The following ZNF704 variants were observed in gnomAD, a reference collection of about 807,000 sequenced individuals.
ZNF704 encodes zinc finger protein 704, also known as glucocorticoid induced gene 1.
In ZNF704, 10 loss-of-function variants were observed where a neutral mutation model predicts 44.7. The observed-to-expected ratio is 0.22, with a 90% CI of 0.14 to 0.38. The LOEUF is 0.38. Among genes scored for constraint, ZNF704 ranks in the 10% least tolerant of loss-of-function variants. The probability of loss-of-function intolerance (pLI) is 1.00; values close to 1 mark genes in which losing one functional copy is unlikely to be tolerated. For synonymous variants in ZNF704, 211 were observed against 207.6 expected, an observed-to-expected ratio of 1.02 and a Z score of -0.14; for missense variants, 390 against 545.5, an observed-to-expected ratio of 0.71 and a Z score of 2.84.
chr8:80,708,001 C>T (rs1047478831), intron 2 of ZNF704, among the ~76,000 whole-genome samples: 2 of 152,210 alleles, frequency 1.3e-5, no homozygotes, highest in African/African-American at 2.4e-5. Context: ...ACACACATAA[C>T]ATTACTGGCT....
rs1817578873 is a variant in ZNF704, at chr8:80,631,217, T to C, written c.*10149A>G. 1 of 152,106 alleles carries C rather than the reference T, an allele frequency of 6.6e-6. No homozygotes were observed. The highest frequency in any genetic ancestry group is 2.4e-5 in the African/African-American group (1 of 41,418). The allele number at this position is 152,106 out of a possible 1,614,324, so 9.4% of individuals were successfully genotyped here. ...TGCTCCTCAACCTTTTTTGGGAAAG[T>C]ATGGGTAGTTTATCATGAAACTCCG... On this transcript the variant is annotated 3_prime_UTR_variant, in exon 9 of 9. Transcript: ENST00000327835.
upstream of ZNF704, among the ~76,000 whole-genome samples, chr8:80,874,939 T>C (rs965173749): frequency 3.3e-5 from 5 of 152,172 alleles, no homozygotes; most frequent in African/African-American, 7.2e-5. The surrounding 1 kb of genome is among the most constrained non-coding windows in gnomAD (Gnocchi z 4.4). Flanking sequence ...TGAGCTGCCT[T>C]GGCTCTGTGC....
At chr8:80,725,240 G>A (rs1189610204) in intron 2 of ZNF704, among the ~76,000 whole-genome samples, 1 of 152,154 alleles carries the variant, frequency 6.6e-6, no homozygotes, top group Admixed American at 6.5e-5. Context: ...GCCAGTCCTT[G>A]AAGGGTTTCC....
At chr8:80,653,676 C>T (rs971721131) in intron 7 of ZNF704, among the ~76,000 whole-genome samples, 10 of 151,882 alleles carry the variant, frequency 6.6e-5, no homozygotes, top group Admixed American at 2.0e-4. Context: ...AACCACTGCT[C>T]AATGAAATAA....
Position 80,874,312 on chromosome 8 carries a change from G to C in ZNF704, c.-22+259C>G, listed in dbSNP as rs1158553718. 6.9e-6 allele frequency among the ~76,000 whole-genome samples: 1 copy of C among 144,842 alleles called. No individual in the cohort carries two copies. Among genetic ancestry groups the C allele is most frequent in the Admixed American group, 6.8e-5 (1 of 14,680 alleles). On this transcript the variant is annotated intron_variant, in intron 1 of 8. Coordinates refer to ENST00000327835, the MANE Select transcript of ZNF704 (RefSeq NM_001033723.3). This position sits in a 1 kb window ranked among gnomAD's most constrained non-coding sequence, Gnocchi z 4.4. Reference sequence around the variant, plus strand: ...GGGGGTGGGTGTGAGCGAGCGGCGCGCTGCCGCCTCCGCCGCCGCCGCCGC... The same window carrying C: ...GGGGGTGGGTGTGAGCGAGCGGCGCCCTGCCGCCTCCGCCGCCGCCGCCGC...
At chr8:80,876,397 A>G (rs576226475), upstream of ZNF704, among the ~76,000 whole-genome samples, 1 of 152,196 alleles carries the variant, frequency 6.6e-6, no homozygotes, top group Non-Finnish European at 1.5e-5. Flanking sequence ...TTTCATCCCA[A>G]TTGGAAGAAA....
Position 80,709,911 on chromosome 8 carries a change from C to T in ZNF704, c.222-16804G>A, listed in dbSNP as rs115482432. 4.2e-3 allele frequency among the ~76,000 whole-genome samples: 645 copies of T among 152,290 alleles called. 5 individuals carry two copies. The highest frequency in any genetic ancestry group is 0.01 in the Middle Eastern group (3 of 294). On this transcript the variant is annotated intron_variant, in intron 2 of 8. Coordinates refer to ENST00000327835, the MANE Select transcript of ZNF704 (RefSeq NM_001033723.3). ...CTTGTAAGATATCAGGGGTGTACTT[C>T]CATCCCCTCCACAAGTGCTATTTCC...
intron 2 of ZNF704, among the ~76,000 whole-genome samples, chr8:80,817,297 G>A (rs1808191999): frequency 6.6e-6 from 1 of 152,220 alleles, no homozygotes; most frequent in South Asian, 2.1e-4. Flanking sequence ...GGGCCCAGCT[G>A]CTGGCCGCTG....
intron 2 of ZNF704, among the ~76,000 whole-genome samples, chr8:80,811,939 C>T (rs545840881): frequency 1.3e-5 from 2 of 152,066 alleles, no homozygotes; most frequent in East Asian, 1.9e-4. Flanking sequence ...TTGTGAACTG[C>T]GCATGTGAGG....
intron 7 of ZNF704, among the ~76,000 whole-genome samples, chr8:80,659,145 TGAAA>T (rs1818059209): frequency 6.6e-6 from 1 of 152,216 alleles, no homozygotes; most frequent in Non-Finnish European, 1.5e-5. Flanking sequence ...ATTCAGACTC[TGAAA>T]GAAAAAATGA....
At chr8:80,779,772 T>C (rs1807479511) in intron 2 of ZNF704, among the ~76,000 whole-genome samples, 1 of 151,918 alleles carries the variant, frequency 6.6e-6, no homozygotes, top group African/African-American at 2.4e-5. Context: ...AGAGTCACTC[T>C]CTACAGGATA....
intron 2 of ZNF704, among the ~76,000 whole-genome samples, chr8:80,755,072 T>G (rs2131710546): frequency 1.3e-5 from 2 of 152,284 alleles, no homozygotes; most frequent in South Asian, 4.1e-4. Flanking sequence ...TGTCACTCCT[T>G]CCACAGTGTC....
At chr8:80,780,130 G>C (rs1208031689) in intron 2 of ZNF704, among the ~76,000 whole-genome samples, 1 of 152,112 alleles carries the variant, frequency 6.6e-6, no homozygotes, top group Non-Finnish European at 1.5e-5. Flanking sequence ...AGAGGGTTCA[G>C]AGAGAAGGGA....
At chr8:80,797,449 G>A (rs1172237242) in intron 2 of ZNF704, among the ~76,000 whole-genome samples, 2 of 152,162 alleles carry the variant, frequency 1.3e-5, no homozygotes, top group African/African-American at 4.8e-5. Context: ...GAAAGCTGCT[G>A]TGCCTCCATA....
chr8:80,836,201 G>A (rs574371822), intron 1 of ZNF704, among the ~76,000 whole-genome samples: 4 of 152,270 alleles, frequency 2.6e-5, no homozygotes, highest in African/African-American at 4.8e-5. Context: ...GCCTCTATCC[G>A]ATTTGCTCCC....
Position 80,645,181 on chromosome 8 carries a change from G to T in ZNF704, c.1033-2052C>A, listed in dbSNP as rs974552877. On this transcript the variant is annotated intron_variant, in intron 7 of 8. Transcript: ENST00000327835. ...ATTTGTTTGTGCGACATGATCGCTC[G>T]GTTTGCTAGCCTTCAGCCCCGCGCC... The T allele has an allele frequency of 1.9e-5, 30 of 1,584,934 alleles. No homozygotes were observed. In the South Asian group the frequency reaches 3.2e-4, roughly 17 times the overall value.
chr8:80,771,212 T>C lies in ZNF704; in HGVS notation c.221+50162A>G, dbSNP rs180852113. ...TTTCTTTGACTTTCCATATAAATTTTTGAATAACCTTCTCTGTATCTACAA... is the reference window on the plus strand; with the variant it reads ...TTTCTTTGACTTTCCATATAAATTTCTGAATAACCTTCTCTGTATCTACAA... On this transcript the variant is annotated intron_variant, in intron 2 of 8. Transcript: ENST00000327835. Among the ~76,000 whole-genome samples, 1,219 of 152,310 alleles carry C rather than the reference T, an allele frequency of 8.0e-3. 14 individuals carry two copies. Among genetic ancestry groups the C allele is most frequent in the Middle Eastern group, 0.017 (5 of 294 alleles).
Position 80,786,155 on chromosome 8 carries a change from C to T in ZNF704, c.221+35219G>A, listed in dbSNP as rs144666118. Among the ~76,000 whole-genome samples, 394 of 152,194 alleles carry T rather than the reference C, an allele frequency of 2.6e-3. 1 individual carries two copies. Among genetic ancestry groups the T allele is most frequent in the African/African-American group, 9.1e-3 (378 of 41,538 alleles). On this transcript the variant is annotated intron_variant, in intron 2 of 8. Transcript: ENST00000327835. ...ACATACACCTGTAGTTCCAGCTACT[C>T]GGGAGGCTGAAGTGGGAGGATCACT...
chr8:80,855,657 A>AATGG (rs767218202), intron 1 of ZNF704, among the ~76,000 whole-genome samples: 1 of 152,220 alleles, frequency 6.6e-6, no homozygotes, highest in Non-Finnish European at 1.5e-5. Context: ...GAGATTACTT[A>AATGG]ATGGATACAA....
Sources: allele counts gnomAD v4.1 joint callset (sites outside exome capture counted in the v4.1 genomes callset), GRCh38; gene constraint gnomAD v4.1.1; non-coding constraint Gnocchi (gnomAD v3.1); transcripts MANE v1.5; gene names NCBI Gene and HGNC (gene_info 2026-07-23, HGNC 2026-07-21).